Variants in PI4KA observed in about 807,000 individuals in gnomAD.
PI4KA encodes phosphatidylinositol 4-kinase alpha, also known as PI4-kinase alpha.
A neutral mutation model predicts 271.4 loss-of-function variants in PI4KA; 122 were observed. That is an observed-to-expected ratio of 0.45 (90% confidence interval 0.39 to 0.52). The LOEUF (loss-of-function observed/expected upper bound fraction) is 0.52. PI4KA is among the 20% of genes least tolerant of loss of function. The probability of loss-of-function intolerance (pLI) is 0.00; values close to 1 mark genes in which losing one functional copy is unlikely to be tolerated. For missense variants in PI4KA, 1,969 were observed against 2,769.1 expected (o/e 0.71, Z 6.48); for synonymous variants, 1,041 against 1,078.8 (o/e 0.96, Z 0.69).
At chr22:20,721,642 G>C (rs1212049750) in intron 42 of PI4KA, 1 of 533,290 alleles carries the variant, frequency 1.9e-6, no homozygotes, top group Non-Finnish European at 3.4e-6. Flanking sequence ...GTTGCAAAGC[G>C]GGCGACAGTC....
intron 50 of PI4KA, among the ~76,000 whole-genome samples, chr22:20,711,684 C>G (rs535187408): frequency 6.6e-6 from 1 of 152,282 alleles, no homozygotes; most frequent in East Asian, 1.9e-4. Context: ...CAGAACTTAA[C>G]TTTCTTCTAA....
At position 20,765,160 on chromosome 22, in the gene PI4KA, C is replaced by T. The variant is rs1184020844; in HGVS notation, c.2514G>A (p.Lys838=). Residue 838 remains lysine (K), a synonymous_variant, in exon 21 of 55, where the codon AAG becomes AAA. Coordinates refer to ENST00000255882, the MANE Select transcript of PI4KA (RefSeq NM_058004.4). Reference sequence around the variant, plus strand: ...ACTGGAGGACGGACCGCAGTGGCTCCTTGCTGGGAAAGGTGAGCAAGGGGG... The same window carrying T: ...ACTGGAGGACGGACCGCAGTGGCTCTTTGCTGGGAAAGGTGAGCAAGGGGG... ...TKSPLLTFPS[K]EPLRSVLQYN... 2.5e-6 allele frequency: 4 copies of T among 1,613,886 alleles called. No homozygotes were observed. The highest frequency in any genetic ancestry group is 2.2e-5 in the East Asian group (1 of 44,900).
chr22:20,795,917 G>A (rs950274742), intron 18 of PI4KA, among the ~76,000 whole-genome samples: 9 of 152,088 alleles, frequency 5.9e-5, no homozygotes, highest in Admixed American at 2.0e-4. Context: ...AGGATGGGTC[G>A]GGCAGCTTTT....
At position 20,723,982 on chromosome 22, in the gene PI4KA, G is replaced by C. The variant is rs182883546; in HGVS notation, c.4995+2506C>G. On this transcript the variant is annotated intron_variant, in intron 42 of 54. Coordinates refer to ENST00000255882, the MANE Select transcript of PI4KA (RefSeq NM_058004.4). ...GCCTCCCAAGTAGCTGGGACTACGG[G>C]CTCCCGCCATCACACCTGGCTAATT... 3.1e-3 allele frequency among the ~76,000 whole-genome samples: 477 copies of C among 151,890 alleles called. 4 individuals are homozygous for C. Among genetic ancestry groups the C allele is most frequent in the Admixed American group, 7.4e-3 (113 of 15,286 alleles).
chr22:20,793,322 G>C, intron 18 of PI4KA, 79 bp from the exon 19 acceptor site: 1 of 808,616 alleles, frequency 1.2e-6, no homozygotes, highest in East Asian at 2.5e-5. Context: ...ATACAACATA[G>C]TGTTATGTAA....
At chr22:20,826,623 C>T (rs1923456340) in intron 3 of PI4KA, among the ~76,000 whole-genome samples, 1 of 152,304 alleles carries the variant, frequency 6.6e-6, no homozygotes, top group South Asian at 2.1e-4. Flanking sequence ...TCAGAAATTG[C>T]CAAACTGCAT....
intron 22 of PI4KA, among the ~76,000 whole-genome samples, chr22:20,763,023 G>GA (rs1279027478): frequency 1.0e-5 from 1 of 99,966 alleles, no homozygotes; most frequent in Non-Finnish European, 1.9e-5. Context: ...TTTTTGGGGG[G>GA]GGGGGGGGTT....
At chr22:20,844,398 T>C (rs1381218459) in intron 1 of PI4KA, among the ~76,000 whole-genome samples, 2 of 152,226 alleles carry the variant, frequency 1.3e-5, no homozygotes, top group African/African-American at 2.4e-5. Context: ...TGGCATGCAG[T>C]TGACACTGAA....
At chr22:20,717,473 G>A (rs1926149542) in intron 45 of PI4KA, among the ~76,000 whole-genome samples, 1 of 152,280 alleles carries the variant, frequency 6.6e-6, no homozygotes. Flanking sequence ...AAAAACAGCA[G>A]GCAGCAAGGA....
intron 1 of PI4KA, among the ~76,000 whole-genome samples, chr22:20,841,770 C>A (rs538605628): frequency 3.3e-5 from 5 of 152,200 alleles, no homozygotes; most frequent in Admixed American, 3.3e-4. Flanking sequence ...AGGCCCAGGG[C>A]AATCACAAAG....
At chr22:20,766,654 A>G (rs960918735) in intron 19 of PI4KA, among the ~76,000 whole-genome samples, 1 of 152,180 alleles carries the variant, frequency 6.6e-6, no homozygotes. Context: ...AACAAGGGCG[A>G]AACTCCATCT....
chr22:20,715,805 CTG>C (rs1300910183), intron 45 of PI4KA, among the ~76,000 whole-genome samples: 1 of 152,178 alleles, frequency 6.6e-6, no homozygotes, highest in Non-Finnish European at 1.5e-5. Flanking sequence ...TTTTATATCT[CTG>C]TGAGTTCAAG....
In PI4KA at chr22:20,709,943, C is replaced by G. The variant is rs1209496955; in HGVS notation, c.6138G>C (p.Leu2046=). The G allele has an allele frequency of 1.9e-6, 3 of 1,613,478 alleles. No individual in the cohort carries two copies. The African/African-American group carries it at 4.0e-5, about 22-fold the overall frequency. ...SLVTLMLDTG[L]PCFRGQTIKL... is the part of the protein sequence containing the mutation. ...TGATTGTCTGGCCGCGAAAACAGGG[C>G]AGGCCCGTGTCCAACATGAGAGTGA... The change falls in exon 53 of 55, where the codon CTG becomes CTC. Residue 2046 remains leucine, a synonymous_variant. Coordinates refer to ENST00000255882, the MANE Select transcript of PI4KA (RefSeq NM_058004.4).
intron 19 of PI4KA, among the ~76,000 whole-genome samples, chr22:20,777,438 G>A (rs1301668060): frequency 2.6e-5 from 4 of 151,992 alleles, no homozygotes; most frequent in Admixed American, 6.6e-5. Flanking sequence ...GGCTGGTCTC[G>A]AACTCCCGAC....
chr22:20,784,119 A>G, intron 19 of PI4KA: 1 of 1,614,188 alleles, frequency 6.2e-7, no homozygotes, highest in Non-Finnish European at 8.5e-7. Context: ...GACATCCTCC[A>G]GCTGGAATAC....
At chr22:20,809,602 C>A (rs1039234082) in intron 9 of PI4KA, among the ~76,000 whole-genome samples, 2 of 152,126 alleles carry the variant, frequency 1.3e-5, no homozygotes, top group Non-Finnish European at 2.9e-5. Context: ...GCCCAGCTCT[C>A]GCCCTGGTCC....
chr22:20,857,607 G>T (rs1927761485), intron 1 of PI4KA, among the ~76,000 whole-genome samples: 1 of 152,174 alleles, frequency 6.6e-6, no homozygotes, highest in African/African-American at 2.4e-5. Context: ...CATCGCACAC[G>T]GGTGGGCAAA....
intron 19 of PI4KA, among the ~76,000 whole-genome samples, chr22:20,769,140 C>A (rs546109557): frequency 5.3e-5 from 8 of 152,300 alleles, no homozygotes; most frequent in African/African-American, 1.2e-4. Flanking sequence ...AGTAGCTCCA[C>A]GTGGCTGGGA....
intron 17 of PI4KA, 21 bp from the exon 18 acceptor site, chr22:20,796,335 T>C (rs749016625): frequency 6.2e-7 from 1 of 1,604,376 alleles, no homozygotes; most frequent in South Asian, 1.1e-5. Flanking sequence ...AGGAGTGAAA[T>C]AACAGCCACT....
Sources: allele counts gnomAD v4.1 joint callset (sites outside exome capture counted in the v4.1 genomes callset), GRCh38; gene constraint gnomAD v4.1.1; transcripts MANE v1.5; gene names NCBI Gene and HGNC (gene_info 2026-07-23, HGNC 2026-07-21).